Variants in PCSK5 observed in about 807,000 individuals in gnomAD.
The protein encoded by PCSK5 is prohormone convertase 5.
In PCSK5, 129 loss-of-function variants were observed where a neutral mutation model predicts 233.2. That is an observed-to-expected ratio of 0.55 (90% confidence interval 0.48 to 0.64). PCSK5 has a LOEUF of 0.64. Among genes scored for constraint, PCSK5 ranks in the 30% least tolerant of loss-of-function variants. The probability of loss-of-function intolerance (pLI) is 0.00; values close to 1 mark genes in which losing one functional copy is unlikely to be tolerated. For synonymous variants in PCSK5, 825 were observed against 879.2 expected (o/e 0.94, Z 1.09); for missense variants, 2,076 against 2,430.1 (o/e 0.85, Z 3.06).
chr9:76,189,891 G>A, intron 20 of PCSK5, 145 bp downstream of exon 20: 1 of 564,648 alleles, frequency 1.8e-6, no homozygotes, highest in East Asian at 3.0e-5. Context: ...CATTCATCTT[G>A]AACTTATGCC....
rs1272120270 is a variant in PCSK5 at position 76,354,268 on chromosome 9, A to G, written c.5254+49A>G. The G allele has an allele frequency of 3.5e-6, 5 of 1,440,162 alleles. No homozygotes were observed. The Admixed American group carries it at 1.1e-4, about 32-fold the overall frequency. 89.2% of individuals were successfully genotyped at this position (1,440,162 alleles called of 1,614,324 possible). A position where few individuals can be genotyped will look rare whatever the true frequency, so the allele number is the denominator to read the frequency against. ...TGCAGAGGAAGGGCATGTCCTCAAG[A>G]AGCCAATGGGAGCAGAGGGAGGGGG... is the stretch of plus-strand genomic sequence containing the variant. On this transcript the variant is annotated intron_variant, in intron 37 of 37. Transcript: ENST00000674117.
At chr9:75,994,718 G>A (rs374111780) in intron 3 of PCSK5, among the ~76,000 whole-genome samples, 11 of 151,792 alleles carry the variant, frequency 7.2e-5, no homozygotes, top group Middle Eastern at 3.4e-3. Flanking sequence ...CAGTGCGCCC[G>A]GCCCCACCTC....
intron 2 of PCSK5, among the ~76,000 whole-genome samples, chr9:75,937,582 G>C (rs981780227): frequency 6.6e-6 from 1 of 152,160 alleles, no homozygotes; most frequent in African/African-American, 2.4e-5. Flanking sequence ...TAACACGAGA[G>C]GTATCCTATC....
At chr9:76,063,333 T>TC (rs1830105037) in intron 5 of PCSK5, among the ~76,000 whole-genome samples, 3 of 137,568 alleles carry the variant, frequency 2.2e-5, no homozygotes, top group Non-Finnish European at 3.1e-5. Context: ...TTTTTTTTTT[T>TC]TTTTTTTTTT....
At chr9:76,141,011 C>T (rs1171017545) in intron 10 of PCSK5, among the ~76,000 whole-genome samples, 2 of 152,126 alleles carry the variant, frequency 1.3e-5, no homozygotes, top group African/African-American at 4.8e-5. Flanking sequence ...TAAAACTCTT[C>T]TTTCAGCACA....
chr9:76,253,801 G>A (rs1227152980), intron 24 of PCSK5, among the ~76,000 whole-genome samples: 1 of 152,224 alleles, frequency 6.6e-6, no homozygotes, highest in African/African-American at 2.4e-5. Context: ...TATGGGAAAT[G>A]ACAGAGTAAT....
At chr9:76,320,884 G>A (rs901329655) in intron 30 of PCSK5, among the ~76,000 whole-genome samples, 4 of 150,834 alleles carry the variant, frequency 2.7e-5, no homozygotes, top group African/African-American at 7.3e-5. Flanking sequence ...GCATGATCTC[G>A]GCTCACTGCA....
intron 20 of PCSK5, among the ~76,000 whole-genome samples, chr9:76,220,486 C>T (rs1429650307): frequency 6.8e-6 from 1 of 146,720 alleles, no homozygotes. Context: ...GAAAATGCGC[C>T]ACAGCACTCC....
chr9:76,327,952 C>T, intron 32 of PCSK5, 57 bp from the exon 33 acceptor site: 1 of 1,108,404 alleles, frequency 9.0e-7, no homozygotes, highest in South Asian at 1.2e-5. Flanking sequence ...GAAGCCATTC[C>T]CACGAGGGCC....
At chr9:76,220,944 A>G (rs949223486) in intron 20 of PCSK5, among the ~76,000 whole-genome samples, 2 of 152,122 alleles carry the variant, frequency 1.3e-5, no homozygotes, top group South Asian at 4.2e-4. Context: ...AACTGTTACC[A>G]TAATTGTGGT....
At chr9:76,101,171 C>T (rs892706270) in intron 8 of PCSK5, among the ~76,000 whole-genome samples, 2 of 152,096 alleles carry the variant, frequency 1.3e-5, no homozygotes, top group South Asian at 4.1e-4. Flanking sequence ...AGGATGAAGA[C>T]CGTGTTTTGT....
At chr9:76,278,859 T>C (rs1827774924) in intron 24 of PCSK5, among the ~76,000 whole-genome samples, 1 of 152,192 alleles carries the variant, frequency 6.6e-6, no homozygotes. Flanking sequence ...CTTATATAAG[T>C]GAACAGGCAT....
chr9:76,163,095 A>G (rs754458338), intron 12 of PCSK5, among the ~76,000 whole-genome samples: 3 of 152,246 alleles, frequency 2.0e-5, no homozygotes, highest in Non-Finnish European at 2.9e-5. Context: ...TTCAGTATTG[A>G]CAAAATATAC....
chr9:76,293,406 G>GTC (rs1301157226), intron 25 of PCSK5, among the ~76,000 whole-genome samples: 1 of 152,116 alleles, frequency 6.6e-6, no homozygotes, highest in African/African-American at 2.4e-5. Context: ...CATTGACTAT[G>GTC]TCTCACATCA....
chr9:76,219,277 G>C (rs1353150789), intron 20 of PCSK5, among the ~76,000 whole-genome samples: 4 of 152,212 alleles, frequency 2.6e-5, no homozygotes, highest in African/African-American at 9.7e-5. Flanking sequence ...TGCAGAGAAA[G>C]AGAAAGAGGG....
At chr9:75,996,700 A>T (rs1426362349) in intron 3 of PCSK5, among the ~76,000 whole-genome samples, 2 of 151,732 alleles carry the variant, frequency 1.3e-5, no homozygotes, top group African/African-American at 4.8e-5. Flanking sequence ...ACAAGATACA[A>T]CTTATTTCAT....
chr9:76,230,740 G>A (rs1826054523), intron 21 of PCSK5, among the ~76,000 whole-genome samples: 1 of 152,152 alleles, frequency 6.6e-6, no homozygotes, highest in East Asian at 1.9e-4. Context: ...ATTGTGCACT[G>A]CCCATGTGAG....
intron 20 of PCSK5, among the ~76,000 whole-genome samples, chr9:76,223,981 A>G (rs1323990719): frequency 2.0e-5 from 3 of 152,174 alleles, no homozygotes; most frequent in Non-Finnish European, 4.4e-5. Context: ...TTAAACATCT[A>G]CGTAAATATG....
chr9:75,939,518 T>C (rs1207442127), intron 2 of PCSK5, among the ~76,000 whole-genome samples: 3 of 152,226 alleles, frequency 2.0e-5, no homozygotes, highest in African/African-American at 7.2e-5. Context: ...AGGAGAATAT[T>C]GGATGGAAGC....
Sources: gnomAD v4.1 joint callset for allele counts (sites outside exome capture counted in the v4.1 genomes callset) on GRCh38, gnomAD v4.1.1 for gene constraint, MANE v1.5 for transcripts, NCBI Gene and HGNC (gene_info 2026-07-23, HGNC 2026-07-21) for gene names.